MED13L: variants seen among roughly 807,000 people sequenced by gnomAD.
The protein encoded by MED13L is mediator complex subunit 13L.
In MED13L, 7 loss-of-function variants were observed where a neutral mutation model predicts 220.9. The observed-to-expected ratio is 0.03, with a 90% CI of 0.02 to 0.06. The LOEUF is 0.06. Among genes scored for constraint, MED13L ranks in the 10% least tolerant of loss-of-function variants. The pLI is 1.00. For missense variants in MED13L, 1,965 were observed against 2,760.5 expected, an observed-to-expected ratio of 0.71 and a Z score of 6.46; for synonymous variants, 1,011 against 1,015.2, an observed-to-expected ratio of 1.00 and a Z score of 0.08.
chr12:116,158,427 A>G (rs564831610), intron 2 of MED13L, among the ~76,000 whole-genome samples: 1 of 152,182 alleles, frequency 6.6e-6, no homozygotes, highest in African/African-American at 2.4e-5. Flanking sequence ...TTAAATTCAG[A>G]GCCAATCTCA....
intron 4 of MED13L, among the ~76,000 whole-genome samples, chr12:116,059,538 C>T (rs1000258216): frequency 3.3e-5 from 5 of 151,424 alleles, no homozygotes; most frequent in African/African-American, 4.9e-5. Flanking sequence ...CTGAGTCAGT[C>T]TCCCAAGTAG....
chr12:116,150,699 T>C (rs187106840), intron 2 of MED13L, among the ~76,000 whole-genome samples: 2 of 152,230 alleles, frequency 1.3e-5, no homozygotes, highest in Non-Finnish European at 2.9e-5. Flanking sequence ...TATTATTATC[T>C]GTTTGTACAG....
intron 2 of MED13L, among the ~76,000 whole-genome samples, chr12:116,141,782 C>T (rs1003901947): frequency 1.3e-5 from 2 of 152,086 alleles, no homozygotes; most frequent in African/African-American, 4.8e-5. Context: ...AGAGGAATCC[C>T]TTAAAATGGT....
intron 4 of MED13L, among the ~76,000 whole-genome samples, chr12:116,055,254 T>C (rs531227243): frequency 1.3e-5 from 2 of 152,326 alleles, no homozygotes; most frequent in African/African-American, 4.8e-5. Flanking sequence ...ATACACCTTA[T>C]AAAAGTTGAT....
chr12:115,979,661 C>G (rs1216561081), intron 23 of MED13L, among the ~76,000 whole-genome samples: 1 of 152,176 alleles, frequency 6.6e-6, no homozygotes, highest in Non-Finnish European at 1.5e-5. Context: ...TAGAGTTGTT[C>G]AGAACAACAT....
intron 13 of MED13L, among the ~76,000 whole-genome samples, chr12:116,003,716 A>T (rs1206965823): frequency 6.6e-6 from 1 of 152,206 alleles, no homozygotes; most frequent in Non-Finnish European, 1.5e-5. Context: ...AATAAAATAT[A>T]AAATAAAGCA....
intron 1 of MED13L, among the ~76,000 whole-genome samples, chr12:116,254,213 A>G (rs932004064): frequency 6.6e-6 from 1 of 152,134 alleles, no homozygotes; most frequent in African/African-American, 2.4e-5. Flanking sequence ...CTTCTATTCA[A>G]TACTGCCCTG....
chr12:116,106,427 G>T (rs746116373), intron 3 of MED13L, among the ~76,000 whole-genome samples: 2 of 149,724 alleles, frequency 1.3e-5, no homozygotes, highest in Non-Finnish European at 2.9e-5. Context: ...ACGAAGAAAT[G>T]AAAGTTAGAG....
chr12:116,277,227 G>T lies in MED13L; in HGVS notation c.-96C>A. 1.6e-6 allele frequency: 1 copy of T among 640,890 alleles called. No individual in the cohort carries two copies. Among genetic ancestry groups the T allele is most frequent in the Middle Eastern group, 8.1e-4 (1 of 1,234 alleles). The allele number at this position is 640,890 out of a possible 1,614,324, so 39.7% of individuals were successfully genotyped here. A position where few individuals can be genotyped will look rare whatever the true frequency, so the allele number is the denominator to read the frequency against. ...GCGGCGGCGCCTCGCCGGGGAGCGC[G>T]GGGCGGCCGGGCCGCCGCCGCCGCC... On this transcript the variant is annotated 5_prime_UTR_variant, in exon 1 of 31. Coordinates refer to ENST00000281928, the MANE Select transcript of MED13L (RefSeq NM_015335.5).
intron 4 of MED13L, among the ~76,000 whole-genome samples, chr12:116,078,963 T>C (rs1411665463): frequency 2.0e-5 from 3 of 152,208 alleles, no homozygotes; most frequent in Non-Finnish European, 2.9e-5. Context: ...TTTATCTTTT[T>C]CACTCTTTCT....
intron 16 of MED13L, among the ~76,000 whole-genome samples, 192 bp from the exon 17 acceptor site, chr12:115,992,149 A>C (rs1236372302): frequency 6.6e-6 from 1 of 152,190 alleles, no homozygotes; most frequent in African/African-American, 2.4e-5. Context: ...TGTGTAGAGA[A>C]GAAGAAAGTA....
chr12:116,167,136 T>C (rs948138030), intron 2 of MED13L, among the ~76,000 whole-genome samples: 2 of 152,032 alleles, frequency 1.3e-5, no homozygotes, highest in African/African-American at 4.8e-5. Context: ...GATAAAGAGA[T>C]AGACAAATTG....
chr12:116,221,200 C>A (rs1047000943), intron 2 of MED13L, among the ~76,000 whole-genome samples: 1 of 151,800 alleles, frequency 6.6e-6, no homozygotes, highest in Non-Finnish European at 1.5e-5. Context: ...CACAGTGAAA[C>A]CCCATCTCTA....
At chr12:116,042,457 G>T (rs1338170397) in intron 4 of MED13L, among the ~76,000 whole-genome samples, 2 of 152,222 alleles carry the variant, frequency 1.3e-5, no homozygotes, top group Non-Finnish European at 2.9e-5. Context: ...CTCAGAAGCA[G>T]ATAGAATAAT....
chr12:116,228,463 G>A (rs189575444), intron 2 of MED13L, among the ~76,000 whole-genome samples: 3 of 152,136 alleles, frequency 2.0e-5, no homozygotes, highest in Admixed American at 6.6e-5. Flanking sequence ...ACTACAAGGC[G>A]AACACCAACC....
intron 4 of MED13L, among the ~76,000 whole-genome samples, chr12:116,083,565 A>G (rs1198141050): frequency 2.0e-5 from 3 of 152,170 alleles, no homozygotes; most frequent in Non-Finnish European, 4.4e-5. Flanking sequence ...GAGTTATAAT[A>G]AAGTCTGAAA....
At chr12:116,175,918 T>C (rs1196671932) in intron 2 of MED13L, among the ~76,000 whole-genome samples, 3 of 151,906 alleles carry the variant, frequency 2.0e-5, no homozygotes, top group African/African-American at 7.3e-5. Flanking sequence ...TGGTGAAAAA[T>C]TCATATGGAA....
intron 1 of MED13L, among the ~76,000 whole-genome samples, chr12:116,245,374 T>G (rs1871012129): frequency 6.6e-6 from 1 of 152,162 alleles, no homozygotes; most frequent in Non-Finnish European, 1.5e-5. Context: ...AGGCGCACAG[T>G]TAAGCAAATG....
chr12:116,097,594 CAAT>C (rs1872724419), intron 3 of MED13L, among the ~76,000 whole-genome samples: 1 of 152,108 alleles, frequency 6.6e-6, no homozygotes, highest in Non-Finnish European at 1.5e-5. Flanking sequence ...TTTGTAGGCA[CAAT>C]AAAGGACTTG....
Sources: gnomAD v4.1 joint callset for allele counts (sites outside exome capture counted in the v4.1 genomes callset) on GRCh38, gnomAD v4.1.1 for gene constraint, MANE v1.5 for transcripts, NCBI Gene and HGNC (gene_info 2026-07-23, HGNC 2026-07-21) for gene names.